The following NXN variants were observed in gnomAD, a reference collection of about 807,000 sequenced individuals.
NXN encodes the protein nucleoredoxin 1.
In NXN, 16 loss-of-function variants were observed where a neutral mutation model predicts 48.6. That is an observed-to-expected ratio of 0.33 (90% CI 0.22 to 0.50). The LOEUF is 0.50. Ranked by LOEUF, NXN falls within the 20% of genes least tolerant of loss-of-function variation. The pLI is 0.98. For missense variants in NXN, 492 were observed against 605.5 expected (o/e 0.81, Z 1.97); for synonymous variants, 281 against 269.6 (o/e 1.04, Z -0.41).
intron 5 of NXN, among the ~76,000 whole-genome samples, chr17:809,637 A>G (rs1911795103): frequency 6.6e-6 from 1 of 152,194 alleles, no homozygotes; most frequent in African/African-American, 2.4e-5. Flanking sequence ...GGGAGGAGCA[A>G]TGGAAGGAAA....
intron 1 of NXN, among the ~76,000 whole-genome samples, chr17:867,556 A>G (rs1415013094): frequency 6.6e-6 from 1 of 152,248 alleles, no homozygotes; most frequent in African/African-American, 2.4e-5. Flanking sequence ...CTGGGAGAAC[A>G]GTAGTTTGGC....
rs953758859 is a variant in NXN, at chr17:891,613, C to T, written c.361-65535G>A. Among the ~76,000 whole-genome samples the T allele has an allele frequency of 1.2e-4, 18 of 152,194 alleles. 1 individual carries two copies. Among genetic ancestry groups the T allele is most frequent in the African/African-American group, 4.1e-4 (17 of 41,428 alleles). On this transcript the variant is annotated intron_variant, in intron 1 of 7. Transcript: ENST00000336868. ...GGCTATGATGCTTCAACACGGGGGA[C>T]CTCAACCCAAGACTTGTGCTTTTAG...
intron 1 of NXN, among the ~76,000 whole-genome samples, chr17:912,030 C>T (rs28709570): frequency 0.043 from 6,544 of 151,578 alleles, 205 homozygotes; most frequent in African/African-American, 0.081. Flanking sequence ...CTCTGCCTCC[C>T]GAGTTCAAGT....
intron 1 of NXN, among the ~76,000 whole-genome samples, chr17:914,430 A>G (rs1299870349): frequency 6.6e-6 from 1 of 152,200 alleles, no homozygotes; most frequent in African/African-American, 2.4e-5. Context: ...ACAGCCTCCC[A>G]AAGTGCTGGT....
At chr17:821,843 C>A (rs537152184) in intron 4 of NXN, among the ~76,000 whole-genome samples, 2 of 152,086 alleles carry the variant, frequency 1.3e-5, no homozygotes, top group Non-Finnish European at 2.9e-5. Context: ...CTTCCTCCCC[C>A]TTCCCTGTCT....
rs904530517 is a variant in NXN, at chr17:842,712, T to A, written c.361-16634A>T. On this transcript the variant is annotated intron_variant, in intron 1 of 7. Transcript: ENST00000336868. ...CAGCACTTTGGGAGGCTGAGGCGGGTGGATCACCTGAGGTCAGGAGTTCAA... is the reference window on the plus strand; with the variant it reads ...CAGCACTTTGGGAGGCTGAGGCGGGAGGATCACCTGAGGTCAGGAGTTCAA... Among the ~76,000 whole-genome samples the A allele has an allele frequency of 2.6e-5, 4 of 151,740 alleles. No homozygotes were observed. In the East Asian group the frequency reaches 7.7e-4, roughly 29 times the overall value.
intron 5 of NXN, among the ~76,000 whole-genome samples, chr17:812,836 G>C (rs1170881989): frequency 6.6e-6 from 1 of 150,744 alleles, no homozygotes; most frequent in Non-Finnish European, 1.5e-5. Flanking sequence ...GTGCATGTGT[G>C]AGTGTAGGTG....
chr17:819,032 T>C, intron 5 of NXN: 1 of 304,996 alleles, frequency 3.3e-6, no homozygotes, highest in Non-Finnish European at 6.3e-6. Context: ...CTGCAACCTC[T>C]GCCTCCTGGG....
intron 1 of NXN, chr17:929,615 C>G (rs1308773052): frequency 6.6e-6 from 1 of 152,248 alleles, no homozygotes; most frequent in African/African-American, 2.4e-5. Context: ...GGGATTTCAA[C>G]TCAGGACTTG....
At chr17:807,706 C>T (rs1429226583) in intron 5 of NXN, among the ~76,000 whole-genome samples, 1 of 152,228 alleles carries the variant, frequency 6.6e-6, no homozygotes, top group Non-Finnish European at 1.5e-5. Context: ...CAACTTGGGC[C>T]CAAGGAAGCC....
chr17:889,552 C>T (rs977510768), intron 1 of NXN, among the ~76,000 whole-genome samples: 1 of 152,090 alleles, frequency 6.6e-6, no homozygotes, highest in Admixed American at 6.6e-5. Flanking sequence ...AAAAATTAGC[C>T]TGGTGGTGGC....
At chr17:861,533 A>G (rs964462346) in intron 1 of NXN, among the ~76,000 whole-genome samples, 16 of 152,166 alleles carry the variant, frequency 1.1e-4, no homozygotes, top group African/African-American at 3.9e-4. Flanking sequence ...CCATCCCTCC[A>G]CCAAAGGGAA....
At chr17:812,527 C>T (rs1912130430) in intron 5 of NXN, among the ~76,000 whole-genome samples, 1 of 152,212 alleles carries the variant, frequency 6.6e-6, no homozygotes, top group Non-Finnish European at 1.5e-5. Context: ...GCAGACCAGA[C>T]ACTCCAACAG....
intron 1 of NXN, among the ~76,000 whole-genome samples, chr17:888,047 C>T (rs1013554094): frequency 6.6e-6 from 1 of 152,152 alleles, no homozygotes; most frequent in Admixed American, 6.5e-5. Context: ...ACAGCACATG[C>T]TCAGGAGTGT....
In NXN at chr17:940,027, G is replaced by A. The variant is rs550182682; in HGVS notation, c.360+39292C>T. Among the ~76,000 whole-genome samples, 56 of 151,786 alleles carry A rather than the reference G, an allele frequency of 3.7e-4. 1 individual carries two copies. Among genetic ancestry groups the A allele is most frequent in the South Asian group, 1.5e-3 (7 of 4,816 alleles). ...TGGCTCACTGTAGCCTCAAACTGCC[G>A]GGATCAAGTGATCCTCCCACCTCAG... is the stretch of plus-strand genomic sequence containing the variant. On this transcript the variant is annotated intron_variant, in intron 1 of 7. Transcript: ENST00000336868.
intron 4 of NXN, among the ~76,000 whole-genome samples, chr17:820,473 A>G (rs887740683): frequency 1.3e-5 from 2 of 150,230 alleles, no homozygotes; most frequent in African/African-American, 2.5e-5. Flanking sequence ...TTAGCTGGGC[A>G]TGGTGGTGGG....
At chr17:836,914 C>T (rs377255529) in intron 1 of NXN, among the ~76,000 whole-genome samples, 21 of 152,166 alleles carry the variant, frequency 1.4e-4, no homozygotes, top group African/African-American at 4.8e-4. Flanking sequence ...ACCTCAGCCT[C>T]CCAGAGTGCT....
At chr17:880,243 G>A (rs893745423) in intron 1 of NXN, 8 of 152,034 alleles carry the variant, frequency 5.3e-5, no homozygotes, top group Non-Finnish European at 2.9e-5. Flanking sequence ...GAATGAGGGA[G>A]GCGTCTCTTT....
At chr17:809,565 C>A (rs548835679) in intron 5 of NXN, among the ~76,000 whole-genome samples, 16 of 152,242 alleles carry the variant, frequency 1.1e-4, no homozygotes, top group African/African-American at 3.6e-4. Context: ...GCCTTCTCTG[C>A]ATCTGGATGG....
Sources: allele counts gnomAD v4.1 joint callset (sites outside exome capture counted in the v4.1 genomes callset), GRCh38; gene constraint gnomAD v4.1.1; transcripts MANE v1.5; gene names NCBI Gene and HGNC (gene_info 2026-07-23, HGNC 2026-07-21).